Variants in JAZF1 observed in about 807,000 individuals in gnomAD.
The protein encoded by JAZF1 is JAZF zinc finger 1, also known as juxtaposed with another zinc finger protein 1.
A neutral mutation model predicts 26.4 loss-of-function variants in JAZF1; 8 were observed. That is an observed-to-expected ratio of 0.30 (90% CI 0.18 to 0.55). The LOEUF is 0.55. Among genes scored for constraint, JAZF1 ranks in the 20% least tolerant of loss-of-function variants. The probability of loss-of-function intolerance (pLI) is 0.94; values close to 1 mark genes in which losing one functional copy is unlikely to be tolerated. For missense variants in JAZF1, 199 were observed against 322.0 expected, an observed-to-expected ratio of 0.62 and a Z score of 2.92; for synonymous variants, 126 against 122.3, an observed-to-expected ratio of 1.03 and a Z score of -0.20.
chr7:27,966,547 G>A (rs1192995082), intron 2 of JAZF1, among the ~76,000 whole-genome samples: 1 of 152,106 alleles, frequency 6.6e-6, no homozygotes, highest in Non-Finnish European at 1.5e-5. Flanking sequence ...GGGCACTGAT[G>A]GTGTATGTGG....
intron 2 of JAZF1, among the ~76,000 whole-genome samples, chr7:27,942,581 A>G (rs1030182639): frequency 6.6e-5 from 10 of 152,210 alleles, no homozygotes; most frequent in African/African-American, 2.2e-4. Context: ...AGGAAAGAAG[A>G]GAAGAAAGGT....
At chr7:27,969,602 C>A (rs1467547837) in intron 2 of JAZF1, among the ~76,000 whole-genome samples, 1 of 152,180 alleles carries the variant, frequency 6.6e-6, no homozygotes, top group East Asian at 1.9e-4. Flanking sequence ...TAAATTACCA[C>A]CTGCTTAGGG....
At chr7:27,973,455 G>A (rs1785413891) in intron 2 of JAZF1, among the ~76,000 whole-genome samples, 1 of 151,968 alleles carries the variant, frequency 6.6e-6, no homozygotes, top group South Asian at 2.1e-4. Flanking sequence ...ATGCCTCCAT[G>A]CCCAGCTAAT....
chr7:27,895,291 C>T lies in JAZF1; in HGVS notation c.314G>A (p.Ser105Asn). The T allele has an allele frequency of 1.9e-6, 3 of 1,609,658 alleles. No homozygotes were observed. The part of the protein sequence containing the change: ...GNVSTPPRHS[S>N]GSLTPPVTPP... ...GGTCACGGGGGGAGTAAGGCTTCCA[C>T]TGCTGTGGCGTGGGGGAGTGGACAC... Residue 105 changes from serine (S) to asparagine (N), a missense_variant, in exon 3 of 5, where the codon AGT (serine) becomes AAT (asparagine). Around this residue, in one of 2 missense-constraint regions of JAZF1, gnomAD observed 137 missense variants for 184.8 expected, o/e 0.74. Transcript: ENST00000283928.
In JAZF1 at chr7:27,840,349, A is replaced by G. The variant is rs1430960304; in HGVS notation, c.555+349T>C. Among the ~76,000 whole-genome samples, 1 of 152,252 alleles carries G rather than the reference A, an allele frequency of 6.6e-6. No homozygotes were observed. The highest frequency in any genetic ancestry group is 1.5e-5 in the Non-Finnish European group (1 of 68,038). On this transcript the variant is annotated intron_variant, in intron 4 of 4. Transcript: ENST00000283928. This position sits in a 1 kb window ranked among gnomAD's most constrained non-coding sequence, Gnocchi z 5.1. ...CATCCGTTGGGGAAGGTGCTTGGCAAATAAAGTAGGTTGACATATTTGATA... is the reference window on the plus strand; with the variant it reads ...CATCCGTTGGGGAAGGTGCTTGGCAGATAAAGTAGGTTGACATATTTGATA...
rs903754317 is a variant in JAZF1, at chr7:27,831,316, G to A, written c.*1484C>T. ...TGCTTCCCAGTTATATGTGATGTAAGACTTTTCATCAAATGGGAACATGGG... is the reference window on the plus strand; with the variant it reads ...TGCTTCCCAGTTATATGTGATGTAAAACTTTTCATCAAATGGGAACATGGG... On this transcript the variant is annotated 3_prime_UTR_variant, in exon 5 of 5. Transcript: ENST00000283928. 4.4e-6 allele frequency: 1 copy of A among 226,890 alleles called. No homozygotes were observed. Among genetic ancestry groups the A allele is most frequent in the Admixed American group, 5.7e-5 (1 of 17,574 alleles). The allele number at this position is 226,890 out of a possible 1,614,324, so 14.1% of individuals were successfully genotyped here.
intron 1 of JAZF1, among the ~76,000 whole-genome samples, chr7:28,116,437 AT>A (rs1784742593): frequency 6.6e-6 from 1 of 151,924 alleles, no homozygotes; most frequent in Non-Finnish European, 1.5e-5. Context: ...AAAACAATGT[AT>A]TTCTTTCTCT....
intron 3 of JAZF1, among the ~76,000 whole-genome samples, chr7:27,891,338 A>T (rs1160205341): frequency 6.6e-6 from 1 of 152,222 alleles, no homozygotes; most frequent in Non-Finnish European, 1.5e-5. Context: ...GGCAAAGTTG[A>T]GTAGCTGAAA....
At chr7:27,958,122 C>T (rs1014807094) in intron 2 of JAZF1, among the ~76,000 whole-genome samples, 1 of 152,126 alleles carries the variant, frequency 6.6e-6, no homozygotes, top group Non-Finnish European at 1.5e-5. Context: ...CCCCCTACTC[C>T]GTTACAGATT....
chr7:28,147,045 A>T (rs1411989867), intron 1 of JAZF1, among the ~76,000 whole-genome samples: 1 of 151,742 alleles, frequency 6.6e-6, no homozygotes, highest in Non-Finnish European at 1.5e-5. Flanking sequence ...TTTAGTAGAG[A>T]CGGGGTTTCA....
chr7:27,910,267 AT>A (rs1436124073), intron 2 of JAZF1, among the ~76,000 whole-genome samples: 3 of 152,194 alleles, frequency 2.0e-5, no homozygotes, highest in African/African-American at 7.2e-5. Context: ...TGTGTATTTT[AT>A]AAGCTCTCCT....
intron 1 of JAZF1, among the ~76,000 whole-genome samples, chr7:28,021,211 T>C (rs772266884): frequency 6.6e-6 from 1 of 152,022 alleles, no homozygotes; most frequent in Non-Finnish European, 1.5e-5. Context: ...AAGACTCCCA[T>C]GGGAGAGCAG....
At chr7:28,082,985 C>G (rs1784159611) in intron 1 of JAZF1, among the ~76,000 whole-genome samples, 2 of 152,210 alleles carry the variant, frequency 1.3e-5, no homozygotes, top group Admixed American at 1.3e-4. Flanking sequence ...GAGCTGACCA[C>G]CACTGAGTGC....
intron 1 of JAZF1, among the ~76,000 whole-genome samples, chr7:28,000,033 A>G (rs994310024): frequency 2.0e-5 from 3 of 152,208 alleles, no homozygotes; most frequent in East Asian, 1.9e-4. Flanking sequence ...GAAGGGAGTG[A>G]GCGTAGCGAA....
chr7:27,929,241 G>A (rs780324168), intron 2 of JAZF1, among the ~76,000 whole-genome samples: 2 of 84,172 alleles, frequency 2.4e-5, no homozygotes, highest in African/African-American at 4.9e-5. Flanking sequence ...TTAGGGTAGG[G>A]TGGCTCCAGT....
At chr7:27,855,577 A>G (rs749933855) in intron 3 of JAZF1, among the ~76,000 whole-genome samples, 4 of 152,246 alleles carry the variant, frequency 2.6e-5, no homozygotes, top group African/African-American at 4.8e-5. Context: ...AGATTATACT[A>G]CAAACACTTC....
chr7:28,040,871 C>T (rs1783378508), intron 1 of JAZF1, among the ~76,000 whole-genome samples: 1 of 152,098 alleles, frequency 6.6e-6, no homozygotes, highest in Non-Finnish European at 1.5e-5. Flanking sequence ...CCAAGAATCA[C>T]TTTAGATATT....
chr7:27,831,304 TATGTG>T lies in JAZF1; in HGVS notation c.*1491_*1495del, dbSNP rs1392678387. On this transcript the variant is annotated 3_prime_UTR_variant, in exon 5 of 5. Coordinates refer to ENST00000283928, the MANE Select transcript of JAZF1 (RefSeq NM_175061.4). ...AGGAGGGACCCCTGCTTCCCAGTTA[TATGTG>T]ATGTAAGACTTTTCATCAAATGGGA... 3 of 226,860 alleles carry T rather than the reference TATGTG, an allele frequency of 1.3e-5. No individual in the cohort carries two copies. Among genetic ancestry groups the T allele is most frequent in the African/African-American group, 2.2e-5 (1 of 45,040 alleles). 14.1% of individuals were successfully genotyped at this position (226,860 alleles called of 1,614,324 possible). A position where few individuals can be genotyped will look rare whatever the true frequency, so the allele number is the denominator to read the frequency against.
At chr7:27,915,458 G>T (rs992152662) in intron 2 of JAZF1, among the ~76,000 whole-genome samples, 5 of 152,100 alleles carry the variant, frequency 3.3e-5, no homozygotes, top group Non-Finnish European at 5.9e-5. Context: ...ATTAATCAAG[G>T]TGCATAATTT....
Sources: gnomAD v4.1 joint callset for allele counts (sites outside exome capture counted in the v4.1 genomes callset) on GRCh38, gnomAD v4.1.1 for gene constraint, gnomAD v4.1.1 regional missense constraint, Gnocchi (gnomAD v3.1) non-coding constraint, MANE v1.5 for transcripts, NCBI Gene and HGNC (gene_info 2026-07-23, HGNC 2026-07-21) for gene names.